The following GLE1 variants were observed in gnomAD, a reference collection of about 807,000 sequenced individuals.
The protein encoded by GLE1 is GLE1 RNA export mediator, also known as mRNA export factor GLE1.
A neutral mutation model predicts 97.3 loss-of-function variants in GLE1; 78 were observed. The ratio of observed to expected loss-of-function variants is 0.80; its 90% confidence interval spans 0.67 to 0.97. The LOEUF is 0.97. GLE1 is among the 50% of genes least tolerant of loss of function. GLE1 has a pLI of 0.00. For missense variants in GLE1, 753 were observed against 857.5 expected (o/e 0.88, Z 1.52); for synonymous variants, 302 against 313.4 (o/e 0.96, Z 0.39).
In GLE1 at chr9:128,523,831, C is replaced by T. The variant is rs1419187586; in HGVS notation, c.882C>T (p.Ile294=). Residue 294 remains isoleucine (I), a synonymous_variant, in exon 6 of 16, where the codon ATC becomes ATT. Coordinates refer to ENST00000309971, the MANE Select transcript of GLE1 (RefSeq NM_001003722.2). ...NQLCSLISGI[I]RASSESSYPT... is the part of the protein sequence containing the mutation. ...TGTGCAGCCTCATCTCAGGGATCAT[C>T]CGGGCCTCTTCAGAGGTGAGGGGGG... 6.2e-7 allele frequency: 1 copy of T among 1,613,928 alleles called. No individual in the cohort carries two copies. The highest frequency in any genetic ancestry group is 8.5e-7 in the Non-Finnish European group (1 of 1,180,030).
At chr9:128,513,649 C>T (rs1846889257) in intron 2 of GLE1, among the ~76,000 whole-genome samples, 1 of 150,146 alleles carries the variant, frequency 6.7e-6, no homozygotes. Context: ...GTCATGGCTG[C>T]AGTGAGCCTA....
intron 11 of GLE1, among the ~76,000 whole-genome samples, 184 bp from the exon 12 acceptor site, chr9:128,536,171 A>C (rs1321877514): frequency 6.6e-6 from 1 of 152,062 alleles, no homozygotes; most frequent in Non-Finnish European, 1.5e-5. Context: ...TAGCTGGGAC[A>C]AACAGGCATG....
intron 15 of GLE1, chr9:128,540,888 C>G (rs1847865811): frequency 1.7e-6 from 1 of 576,170 alleles, no homozygotes; most frequent in South Asian, 2.1e-5. Flanking sequence ...AAGAGTGGGA[C>G]AGGAATAATA....
At chr9:128,525,511 T>C (rs1316017397) in intron 7 of GLE1, 88 bp downstream of exon 7, 12 of 893,450 alleles carry the variant, frequency 1.3e-5, no homozygotes, top group South Asian at 4.3e-5. Flanking sequence ...TGTGTTAAAC[T>C]GTAGGACAGT....
At position 128,508,953 on chromosome 9, in the gene GLE1, T is replaced by C. The variant is rs1846720686; in HGVS notation, c.177T>C (p.His59=). 1 of 1,611,392 alleles carries C rather than the reference T, an allele frequency of 6.2e-7. No individual in the cohort carries two copies. Among genetic ancestry groups the C allele is most frequent in the Non-Finnish European group, 8.5e-7 (1 of 1,177,500 alleles). The change falls in exon 2 of 16, where the codon CAT becomes CAC. Residue 59 remains histidine (H), a synonymous_variant. Transcript: ENST00000309971. ...GGGTGGTAGAGCACGTCCTACCCCA[T>C]ATGCAGGAGAACCAACCTCTGTCTG... The part of the protein sequence containing the change: ...SGWVVEHVLP[H]MQENQPLSET...
Position 128,542,078 on chromosome 9 carries a change from T to C in GLE1, c.*908T>C, listed in dbSNP as rs1347052841. Reference sequence around the variant, plus strand: ...ACTACAGAAATCCAGAGATTGGCTGTTAAAATTTGTTTTGTGGAAAGACTA... The same window carrying C: ...ACTACAGAAATCCAGAGATTGGCTGCTAAAATTTGTTTTGTGGAAAGACTA... On this transcript the variant is annotated 3_prime_UTR_variant, in exon 16 of 16. Transcript: ENST00000309971. 6.6e-6 allele frequency: 1 copy of C among 152,210 alleles called. No homozygotes were observed. The highest frequency in any genetic ancestry group is 6.6e-5 in the Admixed American group (1 of 15,266). The allele number at this position is 152,210 out of a possible 1,614,324, so 9.4% of individuals were successfully genotyped here. A position where few individuals can be genotyped will look rare whatever the true frequency, so the allele number is the denominator to read the frequency against.
In GLE1 at chr9:128,522,822, T is replaced by G. The variant is rs769656810; in HGVS notation, c.581+6T>G. On this transcript the variant is annotated splice_donor_region_variant and intron_variant, in intron 4 of 15. Transcript: ENST00000309971. The stretch of plus-strand genomic sequence containing the variant: ...CGGGAAGTAATGGAGAAGAGGTGAG[T>G]CTCCCTGAATTATGACTGGGAATGT... 1.3e-5 allele frequency: 21 copies of G among 1,611,242 alleles called. No individual in the cohort carries two copies. Among genetic ancestry groups the G allele is most frequent in the Non-Finnish European group, 1.7e-5 (20 of 1,177,868 alleles).
intron 2 of GLE1, among the ~76,000 whole-genome samples, chr9:128,512,659 A>G (rs1003126632): frequency 6.6e-6 from 1 of 151,174 alleles, no homozygotes; most frequent in Admixed American, 6.6e-5. Context: ...ATTCTGGACC[A>G]AATTGCTGAG....
intron 12 of GLE1, chr9:128,536,924 A>G (rs1435633761): frequency 3.2e-5 from 6 of 186,448 alleles, no homozygotes; most frequent in Non-Finnish European, 4.5e-5. Flanking sequence ...AATACAGATT[A>G]GAAGGACAGA....
intron 15 of GLE1, 163 bp downstream of exon 15, chr9:128,540,501 G>A (rs1156395203): frequency 1.5e-6 from 1 of 667,036 alleles, no homozygotes; most frequent in Admixed American, 2.1e-5. Context: ...TGGAGTAAGG[G>A]CTGCCATTTC....
chr9:128,520,662 C>T (rs1022969726), intron 3 of GLE1, among the ~76,000 whole-genome samples: 25 of 151,618 alleles, frequency 1.6e-4, no homozygotes, highest in East Asian at 9.7e-4. Context: ...TTTCTGCTCC[C>T]GTGAGGCATC....
chr9:128,537,910 T>C lies in GLE1; in HGVS notation c.1777-76T>C, dbSNP rs1456172367. 18 of 838,128 alleles carry C rather than the reference T, an allele frequency of 2.1e-5. 1 individual carries two copies. In the East Asian group the frequency reaches 4.5e-4, roughly 21 times the overall value. 51.9% of individuals were successfully genotyped at this position (838,128 alleles called of 1,614,324 possible). A position where few individuals can be genotyped will look rare whatever the true frequency, so the allele number is the denominator to read the frequency against. Reference sequence around the variant, plus strand: ...TCTGGGGTTCATTTCCACTTGGTAATGGCTGGATGATACACTGGGAGTTTA... The same window carrying C: ...TCTGGGGTTCATTTCCACTTGGTAACGGCTGGATGATACACTGGGAGTTTA... On this transcript the variant is annotated intron_variant, in intron 12 of 15. Transcript: ENST00000309971.
At chr9:128,522,544 T>G in intron 3 of GLE1, 124 bp from the exon 4 acceptor site, 6 of 1,040,608 alleles carry the variant, frequency 5.8e-6, no homozygotes, top group Non-Finnish European at 8.3e-6. Flanking sequence ...TCCCAGCTAC[T>G]TGGGGAGCTG....
intron 2 of GLE1, among the ~76,000 whole-genome samples, chr9:128,514,445 CTTT>C (rs772047006): frequency 7.5e-6 from 1 of 132,732 alleles, no homozygotes; most frequent in Non-Finnish European, 1.6e-5. Flanking sequence ...GGATAGCAGA[CTTT>C]TTTTTTTTTT....
At chr9:128,505,499 A>G (rs1469921327) in intron 1 of GLE1, among the ~76,000 whole-genome samples, 1 of 152,186 alleles carries the variant, frequency 6.6e-6, no homozygotes. Context: ...ATCCTAAAGT[A>G]TTTCCCTGTC....
intron 3 of GLE1, 76 bp downstream of exon 3, chr9:128,515,715 T>G: frequency 1.3e-6 from 1 of 784,186 alleles, no homozygotes; most frequent in East Asian, 2.6e-5. Context: ...GGCGTAGGAA[T>G]GGGCACTGTA....
At chr9:128,527,822 G>A (rs1360188205) in intron 9 of GLE1, among the ~76,000 whole-genome samples, 1 of 151,300 alleles carries the variant, frequency 6.6e-6, no homozygotes, top group Non-Finnish European at 1.5e-5. Context: ...ATACTAGCTG[G>A]GTGTGGTGGC....
intron 2 of GLE1, among the ~76,000 whole-genome samples, chr9:128,513,736 G>A: frequency 6.6e-6 from 1 of 150,960 alleles, no homozygotes; most frequent in East Asian, 1.9e-4. Context: ...AAGAAAAAAG[G>A]CGGGGTGCGG....
At chr9:128,510,100 C>G (rs1846761314) in intron 2 of GLE1, among the ~76,000 whole-genome samples, 1 of 152,132 alleles carries the variant, frequency 6.6e-6, no homozygotes, top group Non-Finnish European at 1.5e-5. Context: ...CTCTGTCAAC[C>G]AGGATGGAGT....
Sources: allele counts gnomAD v4.1 joint callset (sites outside exome capture counted in the v4.1 genomes callset), GRCh38; gene constraint gnomAD v4.1.1; transcripts MANE v1.5; gene names NCBI Gene and HGNC (gene_info 2026-07-23, HGNC 2026-07-21).